Variants in RTF1 observed in about 807,000 individuals in gnomAD.
The protein encoded by RTF1 is RTF1 homolog, Paf1/RNA polymerase II complex component.
RTF1 carries 10 observed loss-of-function variants against 95.7 expected under a neutral mutation model. The observed-to-expected ratio is 0.10, with a 90% CI of 0.06 to 0.18. RTF1 has a LOEUF of 0.18. Among genes scored for constraint, RTF1 ranks in the 10% least tolerant of loss-of-function variants. RTF1 has a pLI of 1.00. For synonymous variants in RTF1, 305 were observed against 311.8 expected (o/e 0.98, Z 0.23); for missense variants, 458 against 875.6 (o/e 0.52, Z 6.02).
At chr15:41,432,032 C>T (rs1231208764) in intron 1 of RTF1, among the ~76,000 whole-genome samples, 7 of 151,652 alleles carry the variant, frequency 4.6e-5, no homozygotes, top group Admixed American at 6.6e-5. Flanking sequence ...AACTCCTGAC[C>T]TTGTGATCCG....
At chr15:41,418,291 C>G (rs554659218) in intron 1 of RTF1, among the ~76,000 whole-genome samples, 6 of 152,250 alleles carry the variant, frequency 3.9e-5, no homozygotes, top group African/African-American at 1.2e-4. Context: ...GAGTATTGAA[C>G]TTGGAGTCTG....
chr15:41,421,805 T>C (rs1260198198), intron 1 of RTF1, among the ~76,000 whole-genome samples: 2 of 151,082 alleles, frequency 1.3e-5, no homozygotes, highest in Non-Finnish European at 3.0e-5. Flanking sequence ...TTGACCTCCC[T>C]AGCTCAGTGA....
At chr15:41,445,052 C>A (rs978301885) in intron 2 of RTF1, among the ~76,000 whole-genome samples, 2 of 152,146 alleles carry the variant, frequency 1.3e-5, no homozygotes, top group Non-Finnish European at 2.9e-5. Flanking sequence ...CTGCCTCAGC[C>A]TCCCTAGTAG....
At position 41,482,137 on chromosome 15, in the gene RTF1, T is replaced by C. The variant is rs1279244299; in HGVS notation, c.*1450T>C. On this transcript the variant is annotated 3_prime_UTR_variant, in exon 18 of 18. Transcript: ENST00000389629. Reference sequence around the variant, plus strand: ...GTGCAGTTTTGTGTGTGTGTATACATATATATGGTCAGCATATATATTGTG... The same window carrying C: ...GTGCAGTTTTGTGTGTGTGTATACACATATATGGTCAGCATATATATTGTG... 1.3e-5 allele frequency: 2 copies of C among 152,410 alleles called. No homozygotes were observed. Among genetic ancestry groups the C allele is most frequent in the Non-Finnish European group, 2.9e-5 (2 of 68,052 alleles). 9.4% of individuals were successfully genotyped at this position (152,410 alleles called of 1,614,324 possible).
At chr15:41,470,505 C>A (rs867261846) in intron 7 of RTF1, 113 bp downstream of exon 7, 2 of 1,120,398 alleles carry the variant, frequency 1.8e-6, no homozygotes, top group Middle Eastern at 4.1e-4. Flanking sequence ...ACATGGTTAC[C>A]TTTGGTTTGC....
Position 41,480,894 on chromosome 15 carries a change from G to T in RTF1, c.*207G>T. 2 of 575,836 alleles carry T rather than the reference G, an allele frequency of 3.5e-6. No homozygotes were observed. The highest frequency in any genetic ancestry group is 4.2e-5 in the South Asian group (2 of 47,256). The allele number at this position is 575,836 out of a possible 1,614,324, so 35.7% of individuals were successfully genotyped here. On this transcript the variant is annotated 3_prime_UTR_variant, in exon 18 of 18. Coordinates refer to ENST00000389629, the MANE Select transcript of RTF1 (RefSeq NM_015138.5). The stretch of plus-strand genomic sequence containing the variant: ...CTCCCACCAGCCTCCCCTCCCCCAG[G>T]GCCCCACCCAGTGTGGGCCTGGGCT...
intron 2 of RTF1, among the ~76,000 whole-genome samples, chr15:41,449,129 C>A (rs2050777565): frequency 6.6e-6 from 1 of 152,082 alleles, no homozygotes; most frequent in Non-Finnish European, 1.5e-5. Flanking sequence ...AGCAATCAGC[C>A]TGCCTCGGCC....
In RTF1 at chr15:41,480,976, C is replaced by T. The variant is rs987341803; in HGVS notation, c.*289C>T. Reference sequence around the variant, plus strand: ...TGTTTGCCTTTTGTTTTTTTAACCGCGCAGTTCATTGGCCACTCTGCACGC... The same window carrying T: ...TGTTTGCCTTTTGTTTTTTTAACCGTGCAGTTCATTGGCCACTCTGCACGC... On this transcript the variant is annotated 3_prime_UTR_variant, in exon 18 of 18. Coordinates refer to ENST00000389629, the MANE Select transcript of RTF1 (RefSeq NM_015138.5). 2.1e-5 allele frequency: 8 copies of T among 380,578 alleles called. No individual in the cohort carries two copies. The highest frequency in any genetic ancestry group is 1.1e-4 in the Admixed American group (3 of 26,724). 23.6% of individuals were successfully genotyped at this position (380,578 alleles called of 1,614,324 possible).
chr15:41,480,209 T>A lies in RTF1; in HGVS notation c.1915-5T>A. The A allele has an allele frequency of 1.9e-6, 3 of 1,593,876 alleles. No individual in the cohort carries two copies. The highest frequency in any genetic ancestry group is 1.7e-6 in the Non-Finnish European group (2 of 1,161,552). On this transcript the variant is annotated splice_region_variant and splice_polypyrimidine_tract_variant and intron_variant, in intron 16 of 17. Coordinates refer to ENST00000389629, the MANE Select transcript of RTF1 (RefSeq NM_015138.5). The stretch of plus-strand genomic sequence containing the variant: ...TTACCATTAGCTTTCCTCTTCACAT[T>A]CCAGGGTCAAGGCAAAGATAAAGAT...
chr15:41,433,662 G>A (rs2050687064), intron 1 of RTF1, among the ~76,000 whole-genome samples: 1 of 151,854 alleles, frequency 6.6e-6, no homozygotes, highest in African/African-American at 2.4e-5. Flanking sequence ...AAAGTAATAT[G>A]GGAAAAAAGG....
chr15:41,422,556 G>C (rs1428785771), intron 1 of RTF1, among the ~76,000 whole-genome samples: 1 of 152,072 alleles, frequency 6.6e-6, no homozygotes, highest in Non-Finnish European at 1.5e-5. Context: ...AGGAACCAGA[G>C]TTCTCAATTC....
intron 2 of RTF1, among the ~76,000 whole-genome samples, chr15:41,442,170 ATT>A (rs772693444): frequency 7.2e-5 from 10 of 138,524 alleles, no homozygotes; most frequent in Admixed American, 2.2e-4. Flanking sequence ...TTTCATAATG[ATT>A]TTTTTTTTTT....
At chr15:41,470,476 G>A in intron 7 of RTF1, 84 bp downstream of exon 7, 1 of 1,431,024 alleles carries the variant, frequency 7.0e-7, no homozygotes, top group Admixed American at 1.8e-5. Flanking sequence ...AAATCTCCCT[G>A]GTTGGGCCAC....
chr15:41,479,777 C>T (rs1203692344), intron 16 of RTF1, among the ~76,000 whole-genome samples: 1 of 151,116 alleles, frequency 6.6e-6, no homozygotes, highest in Non-Finnish European at 1.5e-5. Flanking sequence ...GCAGGAAAAT[C>T]GCGTGAACCT....
chr15:41,463,757 C>T (rs1016174615), intron 4 of RTF1, among the ~76,000 whole-genome samples: 7 of 152,226 alleles, frequency 4.6e-5, no homozygotes, highest in African/African-American at 1.4e-4. Context: ...ACTGGAATTA[C>T]AGGTGTGAGC....
intron 1 of RTF1, among the ~76,000 whole-genome samples, chr15:41,424,015 G>T (rs916852671): frequency 6.6e-6 from 1 of 152,172 alleles, no homozygotes; most frequent in Non-Finnish European, 1.5e-5. Flanking sequence ...GGCTTCCCCA[G>T]GGTGCTGGGA....
At chr15:41,438,241 A>T in intron 1 of RTF1, 80 bp from the exon 2 acceptor site, 1 of 925,558 alleles carries the variant, frequency 1.1e-6, no homozygotes, top group Non-Finnish European at 1.6e-6. Flanking sequence ...AAAAAGATCT[A>T]GAGAGGGTGG....
intron 6 of RTF1, among the ~76,000 whole-genome samples, chr15:41,468,592 C>G (rs111421683): frequency 0.19 from 28,378 of 152,124 alleles, 3,419 homozygotes; most frequent in Non-Finnish European, 0.26. Flanking sequence ...GCTGGGATTA[C>G]AGGTGTGAGC....
intron 11 of RTF1, 53 bp from the exon 12 acceptor site, chr15:41,476,393 C>T (rs776919258): frequency 2.0e-6 from 3 of 1,510,014 alleles, no homozygotes; most frequent in Non-Finnish European, 2.8e-6. Flanking sequence ...CTTAGCCTGT[C>T]TACAAAAATA....
Sources: allele counts gnomAD v4.1 joint callset (sites outside exome capture counted in the v4.1 genomes callset), GRCh38; gene constraint gnomAD v4.1.1; transcripts MANE v1.5; gene names NCBI Gene and HGNC (gene_info 2026-07-23, HGNC 2026-07-21).